EEFSEC: variants seen among roughly 807,000 people sequenced by gnomAD.
EEFSEC encodes the protein eukaryotic elongation factor, selenocysteine-tRNA specific.
In EEFSEC, 43 loss-of-function variants were observed where a neutral mutation model predicts 42.1. The ratio of observed to expected loss-of-function variants is 1.02; its 90% confidence interval spans 0.80 to 1.32. The LOEUF is 1.32. Ranked by LOEUF, EEFSEC falls within the 40% of genes most tolerant of loss-of-function variation. EEFSEC has a pLI of 0.00. For synonymous variants in EEFSEC, 354 were observed against 339.1 expected (o/e 1.04, Z -0.48); for missense variants, 745 against 803.6 (o/e 0.93, Z 0.88).
chr3:128,367,785 A>G (rs1222658931), intron 6 of EEFSEC: 1 of 985,346 alleles, frequency 1.0e-6, no homozygotes, highest in African/African-American at 1.7e-5. Context: ...CAGCCCTCCA[A>G]AGAAACCAGC....
chr3:128,261,213 G>A (rs967480922), intron 2 of EEFSEC, among the ~76,000 whole-genome samples: 10 of 152,120 alleles, frequency 6.6e-5, no homozygotes, highest in Admixed American at 4.6e-4. Context: ...TGGCTCTAAG[G>A]TTTATAGCCA....
chr3:128,251,739 T>A (rs565573894), intron 2 of EEFSEC, among the ~76,000 whole-genome samples: 1 of 152,338 alleles, frequency 6.6e-6, no homozygotes, highest in South Asian at 2.1e-4. Flanking sequence ...GTCTTTGGCA[T>A]TTGTTGTCTT....
intron 1 of EEFSEC, among the ~76,000 whole-genome samples, chr3:128,184,821 A>C (rs146266986): frequency 1.3e-5 from 2 of 152,194 alleles, no homozygotes. Context: ...GAAATTCTCA[A>C]TTGTATCACA....
intron 6 of EEFSEC, among the ~76,000 whole-genome samples, chr3:128,360,270 C>G (rs1241330424): frequency 2.0e-5 from 3 of 152,258 alleles, no homozygotes; most frequent in East Asian, 1.9e-4. Flanking sequence ...CAGGGCCCCT[C>G]TCTGGACTCC....
chr3:128,186,586 T>A (rs1240230115), intron 1 of EEFSEC, among the ~76,000 whole-genome samples: 1 of 152,212 alleles, frequency 6.6e-6, no homozygotes, highest in East Asian at 1.9e-4. Context: ...CTATTTGGAG[T>A]TGATTTTTGT....
rs527930973 is a variant in EEFSEC, at chr3:128,196,465, C to G, written c.316+42642C>G. ...TTCTGATTATAAAACTAATACAGACCTATTTTAGAAACTTTGGGTAATAAC... is the reference window on the plus strand; with the variant it reads ...TTCTGATTATAAAACTAATACAGACGTATTTTAGAAACTTTGGGTAATAAC... On this transcript the variant is annotated intron_variant, in intron 1 of 6. Coordinates refer to ENST00000254730, the MANE Select transcript of EEFSEC (RefSeq NM_021937.5). Among the ~76,000 whole-genome samples, 5 of 152,172 alleles carry G rather than the reference C, an allele frequency of 3.3e-5. No individual in the cohort carries two copies. In the South Asian group the frequency reaches 1.0e-3, roughly 32 times the overall value.
rs559806898 is a variant in EEFSEC, at chr3:128,284,773, A to C, written c.786+19992A>C. ...CATGAACTAAGACTGTACATGTCAT[A>C]GGGGAGGCTCCTGGAGCCGCCACCA... On this transcript the variant is annotated intron_variant, in intron 4 of 6. Transcript: ENST00000254730. Among the ~76,000 whole-genome samples, 25 of 152,270 alleles carry C rather than the reference A, an allele frequency of 1.6e-4. 1 individual carries two copies. The South Asian group carries it at 4.8e-3, about 29-fold the overall frequency.
At chr3:128,194,854 G>A (rs2065565195) in intron 1 of EEFSEC, among the ~76,000 whole-genome samples, 1 of 152,132 alleles carries the variant, frequency 6.6e-6, no homozygotes, top group Non-Finnish European at 1.5e-5. Flanking sequence ...CTAACATTAG[G>A]GGCTAAGATC....
chr3:128,318,873 A>G (rs1576633559), intron 4 of EEFSEC, among the ~76,000 whole-genome samples: 1 of 152,252 alleles, frequency 6.6e-6, no homozygotes. Context: ...CTGCGTGTAC[A>G]GCAGCTCCTT....
chr3:128,416,918 C>A, the EEFSEC span, among the ~76,000 whole-genome samples: 1 of 152,158 alleles, frequency 6.6e-6, no homozygotes, highest in African/African-American at 2.4e-5. Flanking sequence ...CACATTCCCT[C>A]TGTTGCAGAA....
At chr3:128,168,551 G>A (rs2107772303) in intron 1 of EEFSEC, among the ~76,000 whole-genome samples, 1 of 152,334 alleles carries the variant, frequency 6.6e-6, no homozygotes, top group Admixed American at 6.5e-5. Flanking sequence ...GAGCCTTTCT[G>A]AGTGAGTATC....
At chr3:128,220,973 A>G (rs2065856014) in intron 1 of EEFSEC, among the ~76,000 whole-genome samples, 1 of 152,228 alleles carries the variant, frequency 6.6e-6, no homozygotes, top group Non-Finnish European at 1.5e-5. Flanking sequence ...CTGTTCACCA[A>G]AGTGAATTCT....
intron 4 of EEFSEC, among the ~76,000 whole-genome samples, chr3:128,307,901 C>T (rs1217475360): frequency 6.6e-6 from 1 of 152,188 alleles, no homozygotes; most frequent in African/African-American, 2.4e-5. Flanking sequence ...GTGCGCTCTC[C>T]CTGTAGGCCT....
intron 1 of EEFSEC, among the ~76,000 whole-genome samples, chr3:128,233,331 A>T (rs11917258): frequency 0.015 from 2,233 of 152,348 alleles, 39 homozygotes; most frequent in African/African-American, 0.051. Flanking sequence ...TTTGAATTTT[A>T]AAAAATGATA....
chr3:128,243,438 T>C (rs767299449), intron 1 of EEFSEC, among the ~76,000 whole-genome samples: 102 of 152,208 alleles, frequency 6.7e-4, no homozygotes, highest in Admixed American at 4.1e-3. Context: ...TGGATAGTTG[T>C]GTATACCAAT....
At chr3:128,257,438 C>G (rs1006571373) in intron 2 of EEFSEC, among the ~76,000 whole-genome samples, 1 of 152,208 alleles carries the variant, frequency 6.6e-6, no homozygotes, top group Non-Finnish European at 1.5e-5. Context: ...GATGAGCCCA[C>G]TAACTAGAGC....
At chr3:128,270,593 C>T (rs984713565) in intron 4 of EEFSEC, among the ~76,000 whole-genome samples, 1 of 152,196 alleles carries the variant, frequency 6.6e-6, no homozygotes, top group Non-Finnish European at 1.5e-5. Context: ...TTACTTTTAC[C>T]TTTGCCTCTG....
intron 6 of EEFSEC, among the ~76,000 whole-genome samples, chr3:128,396,243 C>T (rs1271151223): frequency 1.3e-5 from 2 of 152,180 alleles, no homozygotes; most frequent in Admixed American, 6.5e-5. Context: ...CAGCTGGCGG[C>T]GCTAGTGGAG....
At chr3:128,410,301 A>C (rs2068165287), downstream of EEFSEC, among the ~76,000 whole-genome samples, 1 of 152,198 alleles carries the variant, frequency 6.6e-6, no homozygotes, top group Non-Finnish European at 1.5e-5. Flanking sequence ...GAGTCCCTGC[A>C]CATTGGGACA....
Sources: allele counts gnomAD v4.1 joint callset (sites outside exome capture counted in the v4.1 genomes callset), GRCh38; gene constraint gnomAD v4.1.1; transcripts MANE v1.5; gene names NCBI Gene and HGNC (gene_info 2026-07-23, HGNC 2026-07-21).